Variants in IL1RAPL2 observed in about 807,000 individuals in gnomAD.
IL1RAPL2 encodes interleukin 1 receptor accessory protein like 2.
IL1RAPL2 carries 3 observed loss-of-function variants against 44.1 expected under a neutral mutation model. The observed-to-expected ratio is 0.07, with a 90% CI of 0.03 to 0.18. The LOEUF (loss-of-function observed/expected upper bound fraction) is 0.18, where lower values mean the gene tolerates loss of function less well. Ranked by LOEUF, IL1RAPL2 falls within the 10% of genes least tolerant of loss-of-function variation. The probability of loss-of-function intolerance (pLI) is 1.00; values close to 1 mark genes in which losing one functional copy is unlikely to be tolerated. For missense variants in IL1RAPL2, 391 were observed against 496.4 expected, an observed-to-expected ratio of 0.79 and a Z score of 2.02; for synonymous variants, 181 against 178.8, an observed-to-expected ratio of 1.01 and a Z score of -0.10.
chrX:104,654,037 A>C (rs1602663578), intron 1 of IL1RAPL2, among the ~76,000 whole-genome samples: 1 of 110,473 alleles, frequency 9.1e-6, no homozygotes. Context: ...TAGGGACAAA[A>C]ACTTAAAGAT....
At chrX:105,394,046 C>T (rs2035545447) in intron 5 of IL1RAPL2, among the ~76,000 whole-genome samples, 1 of 112,039 alleles carries the variant, frequency 8.9e-6, no homozygotes, top group Non-Finnish European at 1.9e-5. Flanking sequence ...TGTGAAATGG[C>T]TTTGGATACT....
intron 2 of IL1RAPL2, among the ~76,000 whole-genome samples, chrX:104,754,733 T>C: frequency 8.9e-6 from 1 of 112,348 alleles, no homozygotes; most frequent in Middle Eastern, 4.6e-3. Flanking sequence ...TTAGCACTTA[T>C]AATGTGTTTT....
At chrX:105,328,711 T>C (rs73519340) in intron 5 of IL1RAPL2, among the ~76,000 whole-genome samples, 8,411 of 111,833 alleles carry the variant, frequency 0.075, 802 homozygotes, top group African/African-American at 0.26. Context: ...ACTACGTGTA[T>C]GATGGTGGTC....
chrX:104,650,114 A>G (rs1048152833), intron 1 of IL1RAPL2, among the ~76,000 whole-genome samples: 1 of 111,562 alleles, frequency 9.0e-6, no homozygotes, highest in Non-Finnish European at 1.9e-5. Context: ...ATTTTTATAT[A>G]CTAACCCTAG....
chrX:105,492,561 TCTA>T (rs1459522597), intron 6 of IL1RAPL2, among the ~76,000 whole-genome samples: 9 of 109,900 alleles, frequency 8.2e-5, no homozygotes, highest in African/African-American at 1.3e-4. Flanking sequence ...TAATAATAAT[TCTA>T]CTACTAATAA....
At chrX:104,894,250 C>T (rs976910084) in intron 2 of IL1RAPL2, among the ~76,000 whole-genome samples, 1 of 111,475 alleles carries the variant, frequency 9.0e-6, no homozygotes, top group Admixed American at 9.6e-5. Flanking sequence ...GTGAATCTGA[C>T]AATTTTGTGT....
chrX:105,512,129 G>A (rs2036474973), intron 6 of IL1RAPL2, among the ~76,000 whole-genome samples: 1 of 111,062 alleles, frequency 9.0e-6, no homozygotes, highest in Non-Finnish European at 1.9e-5. Context: ...GTGAAAAACT[G>A]TCACAAGCAG....
chrX:105,071,964 T>A (rs1439464724), intron 2 of IL1RAPL2, among the ~76,000 whole-genome samples: 1 of 112,091 alleles, frequency 8.9e-6, no homozygotes, highest in East Asian at 2.8e-4. Flanking sequence ...GAGCAAAGAT[T>A]GTTTTGGAGA....
At chrX:105,346,482 T>A (rs1284549944) in intron 5 of IL1RAPL2, among the ~76,000 whole-genome samples, 1 of 112,321 alleles carries the variant, frequency 8.9e-6, no homozygotes, top group Non-Finnish European at 1.9e-5. Context: ...CCAGAATCTA[T>A]CAGAAAATAA....
At chrX:104,779,123 G>A (rs1221909822) in intron 2 of IL1RAPL2, among the ~76,000 whole-genome samples, 2 of 112,265 alleles carry the variant, frequency 1.8e-5, no homozygotes, top group African/African-American at 6.5e-5. Context: ...TAAAGTACTA[G>A]TGGCAGAACT....
intron 6 of IL1RAPL2, among the ~76,000 whole-genome samples, chrX:105,637,899 A>C (rs1197032957): frequency 9.1e-6 from 1 of 110,320 alleles, no homozygotes; most frequent in African/African-American, 3.3e-5. Context: ...TACAGAGGAA[A>C]TTTTGAAGTG....
chrX:105,005,021 G>A (rs2030916666), intron 2 of IL1RAPL2, among the ~76,000 whole-genome samples: 1 of 108,840 alleles, frequency 9.2e-6, no homozygotes, highest in Non-Finnish European at 1.9e-5. Context: ...TATGTTCTAT[G>A]CTCATGCCTT....
intron 6 of IL1RAPL2, among the ~76,000 whole-genome samples, chrX:105,537,923 A>G (rs1235404120): frequency 1.8e-5 from 2 of 109,781 alleles, no homozygotes; most frequent in Admixed American, 9.8e-5. Flanking sequence ...CTCCCCTTTT[A>G]TTAAAGGAAA....
intron 6 of IL1RAPL2, among the ~76,000 whole-genome samples, chrX:105,579,055 C>T (rs186799857): frequency 3.8e-4 from 43 of 111,777 alleles, no homozygotes; most frequent in African/African-American, 1.3e-3. Context: ...ATGTCTTGTG[C>T]ATGAGCTTTC....
intron 2 of IL1RAPL2, among the ~76,000 whole-genome samples, chrX:104,889,681 T>C (rs1923360742): frequency 8.9e-6 from 1 of 111,756 alleles, no homozygotes; most frequent in Admixed American, 9.5e-5. Context: ...TGGCTACTGC[T>C]ACAGGAACCG....
intron 2 of IL1RAPL2, among the ~76,000 whole-genome samples, chrX:104,815,297 G>GA (rs1361952197): frequency 9.0e-6 from 1 of 111,467 alleles, no homozygotes; most frequent in African/African-American, 3.3e-5. Flanking sequence ...GTATCACTGA[G>GA]AAAAAAACAA....
intron 2 of IL1RAPL2, among the ~76,000 whole-genome samples, chrX:104,865,038 A>G (rs1395911077): frequency 9.1e-6 from 1 of 109,841 alleles, no homozygotes; most frequent in African/African-American, 3.4e-5. Context: ...ATTGGCATAG[A>G]CATACTTAGC....
At chrX:105,204,803 A>C (rs183035200) in intron 3 of IL1RAPL2, among the ~76,000 whole-genome samples, 1 of 111,813 alleles carries the variant, frequency 8.9e-6, no homozygotes, top group East Asian at 2.8e-4. Flanking sequence ...CAGGGGACTC[A>C]CAGTTTGCAA....
intron 2 of IL1RAPL2, among the ~76,000 whole-genome samples, chrX:104,702,206 A>G (rs1395871094): frequency 8.9e-6 from 1 of 111,733 alleles, no homozygotes; most frequent in Non-Finnish European, 1.9e-5. Context: ...AAGTGGTCTT[A>G]AGTCACTTCA....
Sources: allele counts gnomAD v4.1 joint callset (sites outside exome capture counted in the v4.1 genomes callset), GRCh38; gene constraint gnomAD v4.1.1; transcripts MANE v1.5; gene names NCBI Gene and HGNC (gene_info 2026-07-23, HGNC 2026-07-21).